Variants in CAPN13 observed in about 807,000 individuals in gnomAD.
The protein encoded by CAPN13 is calpain 13, also known as calpain-13.
Under a neutral mutation model 98.4 loss-of-function variants are expected in CAPN13, and 90 were observed. The observed-to-expected ratio is 0.92, with a 90% CI of 0.77 to 1.09. CAPN13 has a LOEUF of 1.09. Among genes scored for constraint, CAPN13 ranks in the 50% least tolerant of loss-of-function variants. The probability of loss-of-function intolerance (pLI) is 0.00; values close to 1 mark genes in which losing one functional copy is unlikely to be tolerated. For synonymous variants in CAPN13, 330 were observed against 305.5 expected, an observed-to-expected ratio of 1.08 and a Z score of -0.84; for missense variants, 887 against 841.3, an observed-to-expected ratio of 1.05 and a Z score of -0.67.
At chr2:30,788,621 A>AAAGG (rs1674450097) in intron 1 of CAPN13, among the ~76,000 whole-genome samples, 1 of 152,250 alleles carries the variant, frequency 6.6e-6, no homozygotes, top group African/African-American at 2.4e-5. Flanking sequence ...TCACAGTGGA[A>AAAGG]AAGGAAGCAG....
At chr2:30,731,217 G>C (rs1459846689) in intron 21 of CAPN13, 127 bp downstream of exon 21, 2 of 746,946 alleles carry the variant, frequency 2.7e-6, no homozygotes, top group African/African-American at 1.8e-5. Context: ...ATTGGAGGTT[G>C]GGGGGACAGC....
At chr2:30,804,827 G>A (rs1435127809) in intron 1 of CAPN13, among the ~76,000 whole-genome samples, 3 of 152,156 alleles carry the variant, frequency 2.0e-5, no homozygotes, top group Non-Finnish European at 4.4e-5. Flanking sequence ...GAGGAGAGAT[G>A]GAATGGACCA....
intron 3 of CAPN13, 52 bp downstream of exon 3, chr2:30,777,515 A>T: frequency 6.8e-7 from 1 of 1,473,730 alleles, no homozygotes; most frequent in Non-Finnish European, 9.3e-7. Flanking sequence ...GGTAAGCACC[A>T]CCCTCCACCA....
rs372490936 is a variant in CAPN13 at position 30,743,440 on chromosome 2, C to T, written c.1388G>A (p.Arg463Gln). ...PGNYVVVAQT[R>Q]RKSAEFLLRI... The stretch of plus-strand genomic sequence containing the variant: ...GAGCAAGAACTCCGCTGATTTTCTC[C>T]GTGTCTGTGCAACCACAACATAGTT... The change falls in exon 13 of 23, where the codon CGG (arginine) becomes CAG (glutamine). Residue 463 changes from arginine to glutamine, a missense_variant. Arg to Gln is a conservative substitution (Grantham distance 43, BLOSUM62 1). Transcript: ENST00000295055. The T allele has an allele frequency of 2.1e-4, 343 of 1,613,988 alleles. 3 individuals carry two copies. In the Middle Eastern group the frequency reaches 5.1e-3, roughly 24 times the overall value.
chr2:30,799,459 G>A (rs1675057942), intron 1 of CAPN13, among the ~76,000 whole-genome samples: 1 of 152,170 alleles, frequency 6.6e-6, no homozygotes, highest in African/African-American at 2.4e-5. Context: ...CCCCAGAAAG[G>A]CAGACCTCAG....
At chr2:30,741,040 C>A (rs1671626081) in intron 15 of CAPN13, among the ~76,000 whole-genome samples, 1 of 152,164 alleles carries the variant, frequency 6.6e-6, no homozygotes, top group Non-Finnish European at 1.5e-5. Context: ...AGACTGAGGG[C>A]AGTCATCTTG....
intron 5 of CAPN13, among the ~76,000 whole-genome samples, chr2:30,766,513 A>T (rs1412269109): frequency 6.6e-6 from 1 of 152,214 alleles, no homozygotes; most frequent in Non-Finnish European, 1.5e-5. Flanking sequence ...GTTCAGGAAC[A>T]TGGCAACTAT....
chr2:30,746,718 T>C, intron 11 of CAPN13: 1 of 173,020 alleles, frequency 5.8e-6, no homozygotes, highest in Non-Finnish European at 1.2e-5. Flanking sequence ...TTGTGTGGCC[T>C]GCCTGTTCCT....
At position 30,722,836 on chromosome 2, in the gene CAPN13, A is replaced by C. The variant is rs1398466242; in HGVS notation, c.*431T>G. On this transcript the variant is annotated 3_prime_UTR_variant, in exon 23 of 23. Coordinates refer to ENST00000295055, the MANE Select transcript of CAPN13 (RefSeq NM_144575.3). ...AATCATCAGGATCCAGACATAAGAT[A>C]GTGTAATTATTCTGCAAACACCCAG... 1 of 152,262 alleles carries C rather than the reference A, an allele frequency of 6.6e-6. No individual in the cohort carries two copies. Among genetic ancestry groups the C allele is most frequent in the Admixed American group, 6.5e-5 (1 of 15,290 alleles). 9.4% of individuals were successfully genotyped at this position (152,262 alleles called of 1,614,324 possible).
intron 2 of CAPN13, among the ~76,000 whole-genome samples, chr2:30,782,041 G>C (rs1233530427): frequency 6.6e-6 from 1 of 152,062 alleles, no homozygotes; most frequent in Non-Finnish European, 1.5e-5. Context: ...AAAGCTGGGG[G>C]GTAATCTGTG....
chr2:30,804,532 G>T (rs1675489570), intron 1 of CAPN13, among the ~76,000 whole-genome samples: 1 of 152,158 alleles, frequency 6.6e-6, no homozygotes, highest in Non-Finnish European at 1.5e-5. Context: ...TCTGAGGAGG[G>T]AAGAGTAGGA....
At chr2:30,729,935 A>G (rs1287047120) in intron 22 of CAPN13, 1 of 152,262 alleles carries the variant, frequency 6.6e-6, no homozygotes, top group African/African-American at 2.4e-5. Flanking sequence ...CTTTGGGCAA[A>G]ATAGCAAAGG....
At chr2:30,765,619 G>A (rs1673072492) in intron 5 of CAPN13, among the ~76,000 whole-genome samples, 1 of 152,192 alleles carries the variant, frequency 6.6e-6, no homozygotes, top group Admixed American at 6.5e-5. Flanking sequence ...GACTGGATCA[G>A]TCCTCAACAC....
At chr2:30,789,594 G>A (rs1436856432) in intron 1 of CAPN13, among the ~76,000 whole-genome samples, 1 of 152,206 alleles carries the variant, frequency 6.6e-6, no homozygotes, top group African/African-American at 2.4e-5. Context: ...GGACTGGCCA[G>A]ACTTTAGGAA....
intron 3 of CAPN13, among the ~76,000 whole-genome samples, chr2:30,777,355 T>C (rs1673753614): frequency 6.6e-6 from 1 of 152,268 alleles, no homozygotes; most frequent in South Asian, 2.1e-4. Context: ...TGCACGGTCA[T>C]TGCAGAAACT....
Position 30,751,339 on chromosome 2 carries a change from G to A in CAPN13, c.1088-88C>T. ...TGTCCAGTGCAGAGAGTTCTGTGGG[G>A]TTGTGTTGTGAACTCTGGATTGGAG... On this transcript the variant is annotated intron_variant, in intron 10 of 22. Coordinates refer to ENST00000295055, the MANE Select transcript of CAPN13 (RefSeq NM_144575.3). The A allele has an allele frequency of 1.4e-5, 20 of 1,445,438 alleles. No homozygotes were observed. The South Asian group carries it at 2.3e-4, about 17-fold the overall frequency. 89.5% of individuals were successfully genotyped at this position (1,445,438 alleles called of 1,614,324 possible).
In CAPN13 at chr2:30,731,322, C is replaced by T. The variant is rs748727087; in HGVS notation, c.1983+22G>A. ...AGGCAGCCTGGGACTGTGCCTGCCC[C>T]GGGGAGGGGAAGGTACCTCACCTCC... On this transcript the variant is annotated intron_variant, in intron 21 of 22. Transcript: ENST00000295055. 33 of 1,599,248 alleles carry T rather than the reference C, an allele frequency of 2.1e-5. No individual in the cohort carries two copies. The South Asian group carries it at 2.3e-4, about 11-fold the overall frequency.
intron 12 of CAPN13, 110 bp from the exon 13 acceptor site, chr2:30,743,689 C>T (rs758297602): frequency 1.1e-6 from 1 of 919,472 alleles, no homozygotes; most frequent in Non-Finnish European, 1.7e-6. Context: ...ACCAAGATAA[C>T]ATTACAGGCT....
At chr2:30,799,844 T>C (rs537574325) in intron 1 of CAPN13, among the ~76,000 whole-genome samples, 6 of 152,112 alleles carry the variant, frequency 3.9e-5, no homozygotes, top group East Asian at 3.9e-4. Context: ...GAGGCCAAGG[T>C]GGGCGGATCA....
Sources: allele counts gnomAD v4.1 joint callset (sites outside exome capture counted in the v4.1 genomes callset), GRCh38; gene constraint gnomAD v4.1.1; transcripts MANE v1.5; gene names NCBI Gene and HGNC (gene_info 2026-07-23, HGNC 2026-07-21).